The following CPLX2 variants were observed in gnomAD, a reference collection of about 807,000 sequenced individuals.
CPLX2 encodes the protein complexin-2.
CPLX2 carries 5 observed loss-of-function variants against 16.3 expected under a neutral mutation model. The observed-to-expected ratio is 0.31, with a 90% CI of 0.16 to 0.64. The LOEUF is 0.64. Among genes scored for constraint, CPLX2 ranks in the 30% least tolerant of loss-of-function variants. The pLI is 0.79. For missense variants in CPLX2, 144 were observed against 181.4 expected (o/e 0.79, Z 1.18); for synonymous variants, 89 against 73.2 (o/e 1.22, Z -1.10).
At chr5:175,835,357 T>C (rs1758809796) in intron 2 of CPLX2, among the ~76,000 whole-genome samples, 1 of 152,220 alleles carries the variant, frequency 6.6e-6, no homozygotes, top group African/African-American at 2.4e-5. Flanking sequence ...GAATCATGCC[T>C]CACTGGTAAA....
intron 2 of CPLX2, among the ~76,000 whole-genome samples, chr5:175,823,373 G>A (rs1462346381): frequency 1.3e-5 from 2 of 152,110 alleles, no homozygotes; most frequent in African/African-American, 2.4e-5. Flanking sequence ...GATGAGGGTA[G>A]GTGAATGAAT....
chr5:175,847,519 C>T (rs1240708463), intron 2 of CPLX2, among the ~76,000 whole-genome samples: 1 of 152,230 alleles, frequency 6.6e-6, no homozygotes, highest in Non-Finnish European at 1.5e-5. Context: ...GAAGCTGGGT[C>T]TGTAGGACAT....
Position 175,879,930 on chromosome 5 carries a change from C to T in CPLX2, c.290C>T (p.Pro97Leu). Residue 97 changes from proline (P) to leucine (L), a missense_variant, in exon 4 of 4, where the codon CCC becomes CTC. Pro to Leu is a moderately conservative substitution (Grantham distance 98, BLOSUM62 -3). Transcript: ENST00000393745. Reference protein sequence around the residue: ...EQPCEGSLTRPKKAIPAGCGD... With the variant: ...EQPCEGSLTRLKKAIPAGCGD... ...CCCTGCGAGGGGAGCCTGACCCGGCCCAAGAAGGCCATCCCTGCGGGCTGC... is the reference window on the plus strand; with the variant it reads ...CCCTGCGAGGGGAGCCTGACCCGGCTCAAGAAGGCCATCCCTGCGGGCTGC... 1.2e-6 allele frequency: 2 copies of T among 1,613,920 alleles called. No individual in the cohort carries two copies. The highest frequency in any genetic ancestry group is 1.7e-6 in the Non-Finnish European group (2 of 1,179,954).
rs189402964 is a variant in CPLX2, at chr5:175,845,309, G to T, written c.-88-33343G>T. 2.0e-5 allele frequency among the ~76,000 whole-genome samples: 3 copies of T among 152,164 alleles called. No individual in the cohort carries two copies. Among genetic ancestry groups the T allele is most frequent in the East Asian group, 1.9e-4 (1 of 5,184 alleles). ...AAACCCACAGCCCACTCTGGGACCC[G>T]CAAGGCCCCACATCACCTGGCTCCT... On this transcript the variant is annotated intron_variant, in intron 2 of 4. Transcript: ENST00000359546. The surrounding 1 kb of genome is among the most constrained non-coding windows in gnomAD (Gnocchi z 4.0).
intron 2 of CPLX2, among the ~76,000 whole-genome samples, chr5:175,846,652 C>G (rs1164823084): frequency 6.6e-6 from 1 of 152,194 alleles, no homozygotes; most frequent in Non-Finnish European, 1.5e-5. Context: ...TAGCAGGTGG[C>G]AGAACTGGGA....
At position 175,880,265 on chromosome 5, in the gene CPLX2, G is replaced by A. The variant is rs887645196; in HGVS notation, c.*220G>A. The A allele has an allele frequency of 4.5e-6, 3 of 661,918 alleles. No homozygotes were observed. The highest frequency in any genetic ancestry group is 8.3e-6 in the Non-Finnish European group (3 of 361,098). 41.0% of individuals were successfully genotyped at this position (661,918 alleles called of 1,614,324 possible). On this transcript the variant is annotated 3_prime_UTR_variant, in exon 4 of 4. Coordinates refer to ENST00000393745, the MANE Select transcript of CPLX2 (RefSeq NM_001008220.2). Reference sequence around the variant, plus strand: ...ACTCCCAAGTAGCTTGAAAAAGGGAGGACAGTCTTTCCCCAGCAGGGGTCA... The same window carrying A: ...ACTCCCAAGTAGCTTGAAAAAGGGAAGACAGTCTTTCCCCAGCAGGGGTCA...
chr5:175,853,296 G>C (rs1759191538), intron 2 of CPLX2, among the ~76,000 whole-genome samples: 1 of 152,206 alleles, frequency 6.6e-6, no homozygotes, highest in Non-Finnish European at 1.5e-5. Context: ...GGACACACTG[G>C]CTCCTCAATT....
intron 1 of CPLX2, chr5:175,805,753 G>A (rs1758188579): frequency 6.6e-6 from 1 of 152,446 alleles, no homozygotes. Flanking sequence ...GGTAGGGGAA[G>A]CCTTTGCTGG....
intron 2 of CPLX2, among the ~76,000 whole-genome samples, chr5:175,861,183 T>C (rs1322590709): frequency 6.6e-6 from 1 of 152,152 alleles, no homozygotes; most frequent in Non-Finnish European, 1.5e-5. Context: ...ATGCCAGGCA[T>C]GTATTCTACC....
rs183455648 is a variant in CPLX2, at chr5:175,850,575, G to A, written c.-88-28077G>A. Among the ~76,000 whole-genome samples the A allele has an allele frequency of 1.3e-3, 198 of 152,306 alleles. 1 individual carries two copies. The highest frequency in any genetic ancestry group is 3.4e-3 in the Middle Eastern group (1 of 294). On this transcript the variant is annotated intron_variant, in intron 2 of 4. Transcript: ENST00000359546. ...GCATGATCAAATAAGTTCTAGAAAT[G>A]CCACATGCTGCTTCACCTCTCGGAA...
chr5:175,868,739 G>A (rs1362722964), upstream of CPLX2, among the ~76,000 whole-genome samples: 1 of 151,586 alleles, frequency 6.6e-6, no homozygotes, highest in Non-Finnish European at 1.5e-5. Flanking sequence ...GAACAGGGAA[G>A]ACTATAAATG....
chr5:175,831,507 G>C (rs867553066), intron 2 of CPLX2, among the ~76,000 whole-genome samples: 4 of 152,336 alleles, frequency 2.6e-5, no homozygotes, highest in Middle Eastern at 6.8e-3. Context: ...CCTGGGCTTT[G>C]ACTTGGCTGC....
At chr5:175,826,555 C>A (rs1368767121) in intron 2 of CPLX2, among the ~76,000 whole-genome samples, 1 of 152,182 alleles carries the variant, frequency 6.6e-6, no homozygotes, top group Admixed American at 6.5e-5. Flanking sequence ...GACGGACCCT[C>A]AACTGGGCTG....
rs997033087 is a variant in CPLX2, at chr5:175,803,032, G to A, written c.-168-5957G>A. On this transcript the variant is annotated intron_variant, in intron 1 of 4. Coordinates refer to the CPLX2 transcript ENST00000359546. ...TTTTTAGTAGAGACAGGGTTTCACC[G>A]TGTTGGCCAGGTTGGTCTCGAACTC... Among the ~76,000 whole-genome samples, 15 of 152,144 alleles carry A rather than the reference G, an allele frequency of 9.9e-5. 1 individual carries two copies. Among genetic ancestry groups the A allele is most frequent in the Admixed American group, 3.3e-4 (5 of 15,284 alleles).
At chr5:175,824,122 C>A (rs1449701897) in intron 2 of CPLX2, among the ~76,000 whole-genome samples, 1 of 152,226 alleles carries the variant, frequency 6.6e-6, no homozygotes, top group Admixed American at 6.5e-5. Context: ...GGGTCCCCAA[C>A]CTTTCACCCT....
chr5:175,817,193 C>T (rs1758424227), intron 2 of CPLX2, among the ~76,000 whole-genome samples: 1 of 152,224 alleles, frequency 6.6e-6, no homozygotes, highest in Non-Finnish European at 1.5e-5. Flanking sequence ...GATGGAATCA[C>T]AGGATCTTAG....
chr5:175,834,665 GAC>G (rs1758793034), intron 2 of CPLX2, among the ~76,000 whole-genome samples: 1 of 152,154 alleles, frequency 6.6e-6, no homozygotes, highest in African/African-American at 2.4e-5. Context: ...GAGGTCAGGA[GAC>G]ATCAAGACCA....
intron 2 of CPLX2, among the ~76,000 whole-genome samples, chr5:175,812,480 G>A (rs933479948): frequency 6.6e-6 from 1 of 152,230 alleles, no homozygotes; most frequent in African/African-American, 2.4e-5. Context: ...AGTGTTTGAT[G>A]AGTGAATAAT....
At chr5:175,805,842 T>C (rs988025661) in intron 1 of CPLX2, among the ~76,000 whole-genome samples, 2 of 152,164 alleles carry the variant, frequency 1.3e-5, no homozygotes, top group Non-Finnish European at 2.9e-5. Context: ...GGTCAGCTGA[T>C]GAGAGGGTTG....
Sources: allele counts gnomAD v4.1 joint callset (sites outside exome capture counted in the v4.1 genomes callset), GRCh38; gene constraint gnomAD v4.1.1; non-coding constraint Gnocchi (gnomAD v3.1); transcripts MANE v1.5; gene names NCBI Gene and HGNC (gene_info 2026-07-23, HGNC 2026-07-21).